Variants in FBXL7 observed in about 807,000 individuals in gnomAD.
FBXL7 encodes the protein F-box and leucine rich repeat protein 7.
FBXL7 carries 12 observed loss-of-function variants against 38.3 expected under a neutral mutation model. The ratio of observed to expected loss-of-function variants is 0.31; its 90% CI spans 0.20 to 0.51. The LOEUF (loss-of-function observed/expected upper bound fraction) is 0.51, where lower values mean the gene tolerates loss of function less well. Ranked by LOEUF, FBXL7 falls within the 20% of genes least tolerant of loss-of-function variation. FBXL7 has a pLI of 0.98. For synonymous variants in FBXL7, 297 were observed against 300.9 expected (o/e 0.99, Z 0.13); for missense variants, 567 against 676.4 (o/e 0.84, Z 1.79).
At chr5:15,619,887 A>C (rs542991397) in intron 2 of FBXL7, among the ~76,000 whole-genome samples, 1 of 152,210 alleles carries the variant, frequency 6.6e-6, no homozygotes, top group Non-Finnish European at 1.5e-5. Flanking sequence ...TCTGACATCT[A>C]CATGGTAGCT....
At chr5:15,624,291 G>C (rs968440393) in intron 2 of FBXL7, among the ~76,000 whole-genome samples, 1 of 152,166 alleles carries the variant, frequency 6.6e-6, no homozygotes, top group Non-Finnish European at 1.5e-5. Flanking sequence ...GGGTCCTGGG[G>C]CAGATCCCTC....
At chr5:15,744,858 A>G (rs1307908091) in intron 2 of FBXL7, among the ~76,000 whole-genome samples, 3 of 152,178 alleles carry the variant, frequency 2.0e-5, no homozygotes, top group Admixed American at 6.5e-5. Flanking sequence ...ACGTGTCAGC[A>G]GAAAGGAGAA....
intron 1 of FBXL7, among the ~76,000 whole-genome samples, chr5:15,566,363 G>A (rs1002986945): frequency 6.6e-6 from 1 of 152,158 alleles, no homozygotes; most frequent in African/African-American, 2.4e-5. Context: ...TGAGTTGGCA[G>A]AGAAGCGCTG....
chr5:15,748,550 T>C (rs1487589603), intron 2 of FBXL7, among the ~76,000 whole-genome samples: 1 of 152,158 alleles, frequency 6.6e-6, no homozygotes, highest in Non-Finnish European at 1.5e-5. Context: ...ACACCATGTG[T>C]TTGCTTCTCT....
At chr5:15,789,269 T>C (rs1220202379) in intron 2 of FBXL7, among the ~76,000 whole-genome samples, 3 of 152,180 alleles carry the variant, frequency 2.0e-5, no homozygotes, top group African/African-American at 7.2e-5. Flanking sequence ...AATATAGTCA[T>C]TTTTATGTCT....
rs1046524405 is a variant in FBXL7 at position 15,770,383 on chromosome 5, C to G, written c.127+154311C>G. Among the ~76,000 whole-genome samples the G allele has an allele frequency of 2.6e-5, 4 of 152,250 alleles. No individual in the cohort carries two copies. In the South Asian group the frequency reaches 8.3e-4, roughly 32 times the overall value. ...GATACAAAAAGTATTTCTAGAAAAACTTTGCTTTCCTGATAAAAGGAACAA... is the reference window on the plus strand; with the variant it reads ...GATACAAAAAGTATTTCTAGAAAAAGTTTGCTTTCCTGATAAAAGGAACAA... On this transcript the variant is annotated intron_variant, in intron 2 of 3. Transcript: ENST00000504595.
intron 1 of FBXL7, among the ~76,000 whole-genome samples, chr5:15,562,358 T>C (rs917683604): frequency 3.3e-5 from 5 of 152,108 alleles, no homozygotes; most frequent in Non-Finnish European, 7.4e-5. Context: ...TTGCAGACAT[T>C]ATATCAGATA....
intron 2 of FBXL7, among the ~76,000 whole-genome samples, chr5:15,800,814 C>T (rs1737544075): frequency 6.6e-6 from 1 of 152,118 alleles, no homozygotes; most frequent in South Asian, 2.1e-4. Context: ...CTCGGAAGTT[C>T]CTGCATCCAA....
At chr5:15,707,653 G>A (rs558355164) in intron 2 of FBXL7, among the ~76,000 whole-genome samples, 1 of 152,316 alleles carries the variant, frequency 6.6e-6, no homozygotes, top group Non-Finnish European at 1.5e-5. Context: ...CATACAAAAC[G>A]TATTAATTAA....
At chr5:15,554,208 G>GC (rs1561025264) in intron 1 of FBXL7, among the ~76,000 whole-genome samples, 1 of 152,086 alleles carries the variant, frequency 6.6e-6, no homozygotes, top group Admixed American at 6.6e-5. Context: ...TGGGTGAGCC[G>GC]CCATCCCTGA....
intron 2 of FBXL7, among the ~76,000 whole-genome samples, chr5:15,864,353 C>G (rs1739612652): frequency 6.6e-6 from 1 of 152,084 alleles, no homozygotes. Flanking sequence ...AGGTGGTTCT[C>G]TATCAGTGCC....
Position 15,694,223 on chromosome 5 carries a change from G to C in FBXL7, c.127+78151G>C, listed in dbSNP as rs78053655. Reference sequence around the variant, plus strand: ...AAGCCTCACCCTTGTTGCATGTCCTGCAAAGGGATAAGGGAAAACTCCTCC... The same window carrying C: ...AAGCCTCACCCTTGTTGCATGTCCTCCAAAGGGATAAGGGAAAACTCCTCC... On this transcript the variant is annotated intron_variant, in intron 2 of 3. Coordinates refer to ENST00000504595, the MANE Select transcript of FBXL7 (RefSeq NM_012304.5). 6.6e-3 allele frequency among the ~76,000 whole-genome samples: 995 copies of C among 150,326 alleles called. 11 individuals carry two copies. The highest frequency in any genetic ancestry group is 0.023 in the African/African-American group (944 of 41,340).
chr5:15,807,234 G>C (rs918001921), intron 2 of FBXL7, among the ~76,000 whole-genome samples: 1 of 152,186 alleles, frequency 6.6e-6, no homozygotes, highest in Non-Finnish European at 1.5e-5. Flanking sequence ...GAGCCACCAT[G>C]ACTGGCCTGA....
intron 1 of FBXL7, among the ~76,000 whole-genome samples, chr5:15,516,203 A>G (rs1275441173): frequency 6.6e-6 from 1 of 152,144 alleles, no homozygotes; most frequent in East Asian, 1.9e-4. Context: ...AGTGTTCCCT[A>G]AACATACCTT....
intron 2 of FBXL7, among the ~76,000 whole-genome samples, chr5:15,694,624 G>A (rs1743276571): frequency 6.6e-6 from 1 of 152,146 alleles, no homozygotes; most frequent in South Asian, 2.1e-4. Flanking sequence ...AGGAATAGCT[G>A]TAGGACACAG....
chr5:15,571,627 C>T (rs1429036), intron 1 of FBXL7, among the ~76,000 whole-genome samples: 41,631 of 151,966 alleles, frequency 0.27, 6,643 homozygotes, highest in South Asian at 0.37. Context: ...GAGTTGGTAG[C>T]CTGGCATTGT....
intron 1 of FBXL7, among the ~76,000 whole-genome samples, chr5:15,570,281 C>A (rs377223187): frequency 6.6e-6 from 1 of 152,096 alleles, no homozygotes; most frequent in African/African-American, 2.4e-5. Context: ...TGTTATTGGT[C>A]TATTCAGAGA....
At chr5:15,858,031 C>G (rs1220053862) in intron 2 of FBXL7, among the ~76,000 whole-genome samples, 1 of 151,988 alleles carries the variant, frequency 6.6e-6, no homozygotes, top group Non-Finnish European at 1.5e-5. Flanking sequence ...GTAGTATTCA[C>G]CAGTATGCCA....
intron 1 of FBXL7, among the ~76,000 whole-genome samples, chr5:15,520,442 T>G (rs530768013): frequency 6.6e-6 from 1 of 152,204 alleles, no homozygotes; most frequent in Non-Finnish European, 1.5e-5. Flanking sequence ...AGCCCTCAAT[T>G]CAATGGGAAA....
Sources: gnomAD v4.1 joint callset for allele counts (sites outside exome capture counted in the v4.1 genomes callset) on GRCh38, gnomAD v4.1.1 for gene constraint, MANE v1.5 for transcripts, NCBI Gene and HGNC (gene_info 2026-07-23, HGNC 2026-07-21) for gene names.